KIAA0825: variants seen among roughly 807,000 people sequenced by gnomAD.
KIAA0825 encodes the protein uncharacterized protein KIAA0825.
KIAA0825 carries 119 observed loss-of-function variants against 147.6 expected under a neutral mutation model. That is an observed-to-expected ratio of 0.81 (90% CI 0.69 to 0.94). The LOEUF (loss-of-function observed/expected upper bound fraction) is 0.94, where lower values mean the gene tolerates loss of function less well. KIAA0825 is among the 40% of genes least tolerant of loss of function. The probability of loss-of-function intolerance (pLI) is 0.00; values close to 1 mark genes in which losing one functional copy is unlikely to be tolerated. For missense variants in KIAA0825, 1,381 were observed against 1,472.7 expected, an observed-to-expected ratio of 0.94 and a Z score of 1.02; for synonymous variants, 470 against 518.1, an observed-to-expected ratio of 0.91 and a Z score of 1.26.
intron 20 of KIAA0825, among the ~76,000 whole-genome samples, chr5:94,263,678 C>G (rs1776609745): frequency 1.3e-5 from 2 of 151,448 alleles, no homozygotes; most frequent in African/African-American, 4.8e-5. Context: ...TTTTTTTGCA[C>G]TATTGTTTAA....
intron 20 of KIAA0825, among the ~76,000 whole-genome samples, chr5:94,226,809 C>T (rs1159129998): frequency 6.6e-6 from 1 of 152,152 alleles, no homozygotes; most frequent in East Asian, 1.9e-4. Context: ...CTCACCATCA[C>T]TGGCCATCAG....
At chr5:94,565,942 C>T (rs1201558431) in intron 2 of KIAA0825, among the ~76,000 whole-genome samples, 1 of 152,092 alleles carries the variant, frequency 6.6e-6, no homozygotes, top group East Asian at 1.9e-4. Context: ...TCCCCATTCC[C>T]CAGGCTCTTG....
Position 94,307,428 on chromosome 5 carries a change from G to A in KIAA0825, c.3710+76940C>T, listed in dbSNP as rs527671733. Reference sequence around the variant, plus strand: ...AAATTTCAGAAAAGTTGTTCACCCTGTCACTGTGCTCAAAGCCCAAGACAT... The same window carrying A: ...AAATTTCAGAAAAGTTGTTCACCCTATCACTGTGCTCAAAGCCCAAGACAT... On this transcript the variant is annotated intron_variant, in intron 20 of 20. Transcript: ENST00000682413. Among the ~76,000 whole-genome samples, 4 of 151,678 alleles carry A rather than the reference G, an allele frequency of 2.6e-5. No homozygotes were observed. The Admixed American group carries it at 2.6e-4, about 10-fold the overall frequency.
intron 12 of KIAA0825, among the ~76,000 whole-genome samples, chr5:94,455,186 C>A (rs1354113271): frequency 6.6e-6 from 1 of 151,988 alleles, no homozygotes; most frequent in Non-Finnish European, 1.5e-5. Flanking sequence ...ACACTACCCC[C>A]CAACCCCCCG....
intron 20 of KIAA0825, among the ~76,000 whole-genome samples, chr5:94,222,125 A>T (rs73773594): frequency 0.014 from 2,134 of 152,292 alleles, 58 homozygotes; most frequent in African/African-American, 0.048. Flanking sequence ...ATCACCGATT[A>T]TAACCACTAA....
At chr5:94,235,171 G>A (rs745842245) in intron 20 of KIAA0825, among the ~76,000 whole-genome samples, 3 of 152,170 alleles carry the variant, frequency 2.0e-5, no homozygotes, top group Non-Finnish European at 4.4e-5. Context: ...CAAAAGCCAA[G>A]ACAGGCCAAA....
intron 2 of KIAA0825, among the ~76,000 whole-genome samples, chr5:94,547,887 A>G (rs943799220): frequency 3.9e-5 from 6 of 152,090 alleles, no homozygotes; most frequent in Non-Finnish European, 5.9e-5. Context: ...AAAAAAACAA[A>G]AAAACCTTTT....
At chr5:94,326,345 T>G (rs574006714) in intron 20 of KIAA0825, among the ~76,000 whole-genome samples, 2 of 152,244 alleles carry the variant, frequency 1.3e-5, no homozygotes, top group Admixed American at 1.3e-4. Context: ...GCTTTAAACT[T>G]AGGAGGTAGG....
intron 20 of KIAA0825, among the ~76,000 whole-genome samples, chr5:94,345,244 C>T (rs770245198): frequency 8.5e-5 from 13 of 152,164 alleles, no homozygotes; most frequent in African/African-American, 2.6e-4. Flanking sequence ...TTTAAATGAA[C>T]GTTTGCCTTA....
rs538303908 is a variant in KIAA0825, at chr5:94,235,790, T to C, written c.3711-81666A>G. ...ATATGTTCATTTACCATTCCAAAAA[T>C]CCTAGGGCCCTTAGGAATTATGCTA... On this transcript the variant is annotated intron_variant, in intron 20 of 20. Transcript: ENST00000682413. Among the ~76,000 whole-genome samples the C allele has an allele frequency of 4.9e-4, 74 of 152,280 alleles. No individual in the cohort carries two copies. The Middle Eastern group carries it at 0.01, about 21-fold the overall frequency.
intron 5 of KIAA0825, among the ~76,000 whole-genome samples, chr5:94,491,647 C>T (rs1763747199): frequency 6.6e-6 from 1 of 152,146 alleles, no homozygotes; most frequent in Non-Finnish European, 1.5e-5. Flanking sequence ...ACTGTTTTTC[C>T]CCTTTTCTTG....
chr5:94,602,820 C>T (rs1301963890), intron 1 of KIAA0825, among the ~76,000 whole-genome samples: 5 of 150,842 alleles, frequency 3.3e-5, no homozygotes, highest in Non-Finnish European at 7.4e-5. Context: ...ATTGCCCAAT[C>T]TCGGGTATGC....
At chr5:94,460,558 A>C (rs945295555) in intron 12 of KIAA0825, among the ~76,000 whole-genome samples, 1 of 152,124 alleles carries the variant, frequency 6.6e-6, no homozygotes, top group African/African-American at 2.4e-5. Flanking sequence ...ATTCAATATT[A>C]TTAACATCTG....
chr5:94,209,627 GT>G, intron 20 of KIAA0825, among the ~76,000 whole-genome samples: 1 of 152,210 alleles, frequency 6.6e-6, no homozygotes, highest in Non-Finnish European at 1.5e-5. Flanking sequence ...TTTCAGTAGG[GT>G]AATGCCTTTC....
Position 94,477,091 on chromosome 5 carries a change from C to T in KIAA0825, c.1227+20G>A, listed in dbSNP as rs1214659125. 1 of 1,514,026 alleles carries T rather than the reference C, an allele frequency of 6.6e-7. No homozygotes were observed. Among genetic ancestry groups the T allele is most frequent in the Non-Finnish European group, 9.0e-7 (1 of 1,113,636 alleles). 93.8% of individuals were successfully genotyped at this position (1,514,026 alleles called of 1,614,324 possible). On this transcript the variant is annotated intron_variant, in intron 7 of 20. Transcript: ENST00000682413. ...GATATTATATGTGAATTATAAAACA[C>T]TTCTTTTTCCTTCACTTACCTCTTT...
intron 5 of KIAA0825, among the ~76,000 whole-genome samples, chr5:94,509,499 G>A (rs1766186369): frequency 6.6e-6 from 1 of 152,160 alleles, no homozygotes; most frequent in Non-Finnish European, 1.5e-5. Context: ...TTATCTCTGA[G>A]TCACAGAAAT....
intron 6 of KIAA0825, among the ~76,000 whole-genome samples, chr5:94,480,117 A>G (rs1377715014): frequency 6.6e-6 from 1 of 152,080 alleles, no homozygotes; most frequent in Non-Finnish European, 1.5e-5. Context: ...AGTCGTGTAC[A>G]TATAAGAAAT....
intron 20 of KIAA0825, among the ~76,000 whole-genome samples, chr5:94,345,616 T>C (rs1258556359): frequency 2.0e-5 from 3 of 152,186 alleles, no homozygotes; most frequent in Non-Finnish European, 4.4e-5. Context: ...TATGGATAAA[T>C]ATACAGCATA....
At chr5:94,258,771 T>C (rs1776361630) in intron 20 of KIAA0825, among the ~76,000 whole-genome samples, 1 of 151,994 alleles carries the variant, frequency 6.6e-6, no homozygotes, top group Non-Finnish European at 1.5e-5. Context: ...AAAGACAACT[T>C]TCTTAGTTTC....
Sources: gnomAD v4.1 joint callset for allele counts (sites outside exome capture counted in the v4.1 genomes callset) on GRCh38, gnomAD v4.1.1 for gene constraint, MANE v1.5 for transcripts, NCBI Gene and HGNC (gene_info 2026-07-23, HGNC 2026-07-21) for gene names.